The following CAPN7 variants were observed in gnomAD, a reference collection of about 807,000 sequenced individuals.
CAPN7 encodes calpain 7.
A neutral mutation model predicts 115.2 loss-of-function variants in CAPN7; 72 were observed. The ratio of observed to expected loss-of-function variants is 0.63; its 90% CI spans 0.52 to 0.76. The LOEUF is 0.76. CAPN7 is among the 30% of genes least tolerant of loss of function. The probability of loss-of-function intolerance (pLI) is 0.00; values close to 1 mark genes in which losing one functional copy is unlikely to be tolerated. For missense variants in CAPN7, 905 were observed against 971.5 expected (o/e 0.93, Z 0.91); for synonymous variants, 344 against 322.3 (o/e 1.07, Z -0.72).
intron 2 of CAPN7, among the ~76,000 whole-genome samples, chr3:15,214,439 A>G (rs972120707): frequency 6.6e-6 from 1 of 152,028 alleles, no homozygotes; most frequent in Non-Finnish European, 1.5e-5. Context: ...ATTAACCAGT[A>G]TAGGCCGGCA....
At chr3:15,215,636 A>T (rs1224673385) in intron 2 of CAPN7, among the ~76,000 whole-genome samples, 1 of 152,226 alleles carries the variant, frequency 6.6e-6, no homozygotes, top group East Asian at 1.9e-4. Flanking sequence ...AATGTTTGCA[A>T]GATTTTTCCA....
At chr3:15,230,347 C>T (rs913170742) in intron 8 of CAPN7, 95 bp from the exon 9 acceptor site, 2 of 667,234 alleles carry the variant, frequency 3.0e-6, no homozygotes, top group Admixed American at 2.5e-5. Flanking sequence ...ATGAAATTGC[C>T]AAGACGGTAG....
At chr3:15,239,857 G>A (rs1357431323) in intron 12 of CAPN7, among the ~76,000 whole-genome samples, 1 of 152,150 alleles carries the variant, frequency 6.6e-6, no homozygotes, top group African/African-American at 2.4e-5. Flanking sequence ...CACTATGTCT[G>A]TCTGCACTGA....
chr3:15,208,581 C>A (rs796289901), intron 1 of CAPN7, among the ~76,000 whole-genome samples: 11 of 151,844 alleles, frequency 7.2e-5, no homozygotes, highest in African/African-American at 2.4e-4. Flanking sequence ...CAGGCGTGAG[C>A]CTCTGTGCCT....
At chr3:15,245,064 G>A (rs1218241805) in intron 16 of CAPN7, among the ~76,000 whole-genome samples, 3 of 149,962 alleles carry the variant, frequency 2.0e-5, no homozygotes, top group East Asian at 3.9e-4. Context: ...AATAAGATAA[G>A]TGTAGTGGTT....
chr3:15,216,813 C>T (rs1003213762), intron 2 of CAPN7, among the ~76,000 whole-genome samples: 1 of 152,044 alleles, frequency 6.6e-6, no homozygotes, highest in African/African-American at 2.4e-5. Flanking sequence ...AAGAAAGTGC[C>T]AGTGGGAGAG....
Position 15,230,445 on chromosome 3 carries a change from A to T in CAPN7, c.942A>T (p.Ile314=), listed in dbSNP as rs764835266. Reference sequence around the variant, plus strand: ...ATATTTATTTTTCTTACAAAAGCATAATTTACCCTCAAAACAAGGATGGTG... The same window carrying T: ...ATATTTATTTTTCTTACAAAAGCATTATTTACCCTCAAAACAAGGATGGTG... ...RRFNKKLITG[I]IYPQNKDGEP... The change falls in exon 9 of 21, where the codon ATA becomes ATT. Residue 314 remains isoleucine (I), a synonymous_variant. Coordinates refer to ENST00000253693, the MANE Select transcript of CAPN7 (RefSeq NM_014296.3). The T allele has an allele frequency of 6.2e-7, 1 of 1,604,408 alleles. No homozygotes were observed. Among genetic ancestry groups the T allele is most frequent in the Non-Finnish European group, 8.5e-7 (1 of 1,171,364 alleles).
chr3:15,222,777 C>T (rs959962563), intron 5 of CAPN7, among the ~76,000 whole-genome samples: 2 of 152,112 alleles, frequency 1.3e-5, no homozygotes, highest in African/African-American at 4.8e-5. Flanking sequence ...ATTATCTTTC[C>T]AAAATAAGGC....
At position 15,232,497 on chromosome 3, in the gene CAPN7, G is replaced by A. The variant is rs768978179; in HGVS notation, c.1033-22G>A. The A allele has an allele frequency of 3.8e-6, 6 of 1,583,962 alleles. No homozygotes were observed. In the East Asian group the frequency reaches 9.0e-5, roughly 24 times the overall value. ...TTAAGATATTTTGTGCACCTAAGAA[G>A]GTTAATGTTCTCTTTCTCCAGGTGA... On this transcript the variant is annotated intron_variant, in intron 9 of 20. Coordinates refer to ENST00000253693, the MANE Select transcript of CAPN7 (RefSeq NM_014296.3).
chr3:15,224,462 G>A (rs1361874689), intron 6 of CAPN7, among the ~76,000 whole-genome samples: 1 of 151,824 alleles, frequency 6.6e-6, no homozygotes, highest in Non-Finnish European at 1.5e-5. Context: ...TGGTAGAGAC[G>A]AGATTTTACC....
chr3:15,214,934 G>A (rs926625800), intron 2 of CAPN7, among the ~76,000 whole-genome samples: 8 of 152,154 alleles, frequency 5.3e-5, no homozygotes, highest in African/African-American at 1.9e-4. Context: ...TATGCTTCTG[G>A]GATTTAGCTG....
At chr3:15,248,045 G>C (rs905700021) in intron 19 of CAPN7, among the ~76,000 whole-genome samples, 1 of 151,812 alleles carries the variant, frequency 6.6e-6, no homozygotes, top group Non-Finnish European at 1.5e-5. Context: ...GGAGGGGAGA[G>C]GGATAGCACT....
At chr3:15,207,194 G>A (rs920658853) in intron 1 of CAPN7, among the ~76,000 whole-genome samples, 1 of 152,182 alleles carries the variant, frequency 6.6e-6, no homozygotes, top group Non-Finnish European at 1.5e-5. Flanking sequence ...TTACAGGCCT[G>A]CGCAGCGTGT....
chr3:15,248,138 C>T (rs1695779112), intron 19 of CAPN7, among the ~76,000 whole-genome samples: 1 of 151,620 alleles, frequency 6.6e-6, no homozygotes, highest in Non-Finnish European at 1.5e-5. Context: ...AACTAACCTG[C>T]ACAATGTGCA....
At chr3:15,218,323 AC>A in intron 3 of CAPN7, 149 bp from the exon 4 acceptor site, 1 of 619,132 alleles carries the variant, frequency 1.6e-6, no homozygotes, top group African/African-American at 1.8e-5. Context: ...TTTAAATGAT[AC>A]CTTTAAGGAT....
chr3:15,237,109 C>T (rs1695037059), intron 12 of CAPN7, among the ~76,000 whole-genome samples: 1 of 152,106 alleles, frequency 6.6e-6, no homozygotes, highest in South Asian at 2.1e-4. Flanking sequence ...ATAAATTAAC[C>T]TTGGCTTACT....
chr3:15,210,640 G>C (rs1450793141), intron 1 of CAPN7, among the ~76,000 whole-genome samples: 1 of 124,408 alleles, frequency 8.0e-6, no homozygotes, highest in Non-Finnish European at 1.5e-5. Flanking sequence ...TGTCACCCAG[G>C]CTGGAGTGCA....
intron 5 of CAPN7, among the ~76,000 whole-genome samples, chr3:15,223,262 A>G (rs1694109787): frequency 6.6e-6 from 1 of 152,182 alleles, no homozygotes; most frequent in African/African-American, 2.4e-5. Context: ...GTTAGCCTTT[A>G]AAGAATATTC....
At chr3:15,242,058 T>C (rs1353417201) in intron 15 of CAPN7, 120 bp from the exon 16 acceptor site, 3 of 683,528 alleles carry the variant, frequency 4.4e-6, no homozygotes, top group Middle Eastern at 2.4e-4. Flanking sequence ...AAAACAATGC[T>C]CTTAAAATTA....
Sources: gnomAD v4.1 joint callset for allele counts (sites outside exome capture counted in the v4.1 genomes callset) on GRCh38, gnomAD v4.1.1 for gene constraint, MANE v1.5 for transcripts, NCBI Gene and HGNC (gene_info 2026-07-23, HGNC 2026-07-21) for gene names.